Variants in CAMK2B observed in about 807,000 individuals in gnomAD.
The protein encoded by CAMK2B is calcium/calmodulin-dependent protein kinase type II subunit beta.
A neutral mutation model predicts 93.7 loss-of-function variants in CAMK2B; 27 were observed. The observed-to-expected ratio is 0.29, with a 90% CI of 0.21 to 0.40. CAMK2B has a LOEUF of 0.40. CAMK2B is among the 10% of genes least tolerant of loss of function. CAMK2B has a pLI of 1.00. For missense variants in CAMK2B, 568 were observed against 895.8 expected (o/e 0.63, Z 4.67); for synonymous variants, 374 against 358.8 (o/e 1.04, Z -0.48).
intron 1 of CAMK2B, among the ~76,000 whole-genome samples, chr7:44,308,066 T>C (rs918900841): frequency 2.0e-5 from 3 of 152,330 alleles, no homozygotes; most frequent in African/African-American, 7.2e-5. Context: ...TCACCTCATG[T>C]AGCCCAAATG....
At chr7:44,249,381 T>C (rs574306305) in intron 5 of CAMK2B, among the ~76,000 whole-genome samples, 231 of 152,254 alleles carry the variant, frequency 1.5e-3, no homozygotes, top group Middle Eastern at 3.4e-3. Context: ...TGGGTCCAGA[T>C]GCAGAGTGAG....
At chr7:44,228,644 C>A (rs1379261395) in intron 19 of CAMK2B, 152 bp downstream of exon 19, 2 of 630,856 alleles carry the variant, frequency 3.2e-6, no homozygotes, top group Non-Finnish European at 4.8e-6. Flanking sequence ...AGCATGGGAG[C>A]CCACAGGAAG....
intron 16 of CAMK2B, among the ~76,000 whole-genome samples, chr7:44,232,067 G>A (rs1482867777): frequency 6.6e-6 from 1 of 152,212 alleles, no homozygotes; most frequent in African/African-American, 2.4e-5. Flanking sequence ...TGGGAAGAAT[G>A]CCCAGGCCCT....
At chr7:44,288,834 AG>A (rs1210318765) in intron 1 of CAMK2B, among the ~76,000 whole-genome samples, 1 of 151,998 alleles carries the variant, frequency 6.6e-6, no homozygotes, top group Admixed American at 6.6e-5. Flanking sequence ...CCTTCATTGC[AG>A]GGGGGCTCAG....
chr7:44,307,248 A>G (rs1175031579), intron 1 of CAMK2B, among the ~76,000 whole-genome samples: 45 of 51,676 alleles, frequency 8.7e-4, no homozygotes, highest in African/African-American at 2.2e-3. Context: ...GTGTGAGCAG[A>G]GGGAAGAGGG....
At chr7:44,307,571 C>T (rs1444815772) in intron 1 of CAMK2B, among the ~76,000 whole-genome samples, 1 of 151,986 alleles carries the variant, frequency 6.6e-6, no homozygotes, top group Admixed American at 6.5e-5. Context: ...TGGAATTCCT[C>T]CCCTGCCCAC....
intron 2 of CAMK2B, among the ~76,000 whole-genome samples, chr7:44,283,551 T>C (rs972227332): frequency 6.6e-6 from 1 of 152,238 alleles, no homozygotes; most frequent in African/African-American, 2.4e-5. Flanking sequence ...CGGAGTGCCC[T>C]GCCACTATGT....
rs973675298 is a variant in CAMK2B, at chr7:44,271,406, C to T, written c.161-8342G>A. ...CAGCCCTGTGTGGCACTGAGCAGCT[C>T]GGCCAGAACCTGATAGGACATCCTG... On this transcript the variant is annotated intron_variant, in intron 2 of 23. Transcript: ENST00000395749. The surrounding 1 kb of genome is among the most constrained non-coding windows in gnomAD (Gnocchi z 4.2). Among the ~76,000 whole-genome samples, 16 of 152,246 alleles carry T rather than the reference C, an allele frequency of 1.1e-4. No homozygotes were observed. Among genetic ancestry groups the T allele is most frequent in the Admixed American group, 7.8e-4 (12 of 15,288 alleles).
rs533538862 is a variant in CAMK2B at position 44,228,682 on chromosome 7, G to A, written c.1468+114C>T. The A allele has an allele frequency of 7.5e-5, 77 of 1,028,206 alleles. 1 individual carries two copies. The highest frequency in any genetic ancestry group is 6.9e-4 in the Middle Eastern group (2 of 2,918). The allele number at this position is 1,028,206 out of a possible 1,614,324, so 63.7% of individuals were successfully genotyped here. ...CCGCCAGGGCAGGACTCCAGGCTGC[G>A]GCGCCGGGGCAGGGTAGCTGGGCCG... is the stretch of plus-strand genomic sequence containing the variant. On this transcript the variant is annotated intron_variant, in intron 19 of 23. Transcript: ENST00000395749.
At chr7:44,260,817 A>T (rs2096873282) in intron 3 of CAMK2B, among the ~76,000 whole-genome samples, 1 of 152,110 alleles carries the variant, frequency 6.6e-6, no homozygotes, top group South Asian at 2.1e-4. Flanking sequence ...CCTCAGGCCC[A>T]GCAGCCCAGC....
At position 44,286,441 on chromosome 7, in the gene CAMK2B, T is replaced by C. The variant is rs1340499907; in HGVS notation, c.66-2216A>G. ...CTATGCCAAGCTGATGATGCCCGTA[T>C]GGCACCGCTGTGTCGAGCCCGTCCC... On this transcript the variant is annotated intron_variant, in intron 1 of 23. Coordinates refer to ENST00000395749, the MANE Select transcript of CAMK2B (RefSeq NM_001220.5). The surrounding 1 kb of genome is among the most constrained non-coding windows in gnomAD (Gnocchi z 4.0). Among the ~76,000 whole-genome samples the C allele has an allele frequency of 3.3e-5, 5 of 152,144 alleles. No individual in the cohort carries two copies. The highest frequency in any genetic ancestry group is 1.2e-4 in the African/African-American group (5 of 41,434).
chr7:44,300,136 T>C (rs146802439), intron 1 of CAMK2B, among the ~76,000 whole-genome samples: 22 of 152,004 alleles, frequency 1.4e-4, no homozygotes, highest in African/African-American at 5.1e-4. Flanking sequence ...CACTGCAGCC[T>C]CTACATTCCA....
At chr7:44,278,811 T>C (rs1178155365) in intron 2 of CAMK2B, among the ~76,000 whole-genome samples, 1 of 152,252 alleles carries the variant, frequency 6.6e-6, no homozygotes, top group Non-Finnish European at 1.5e-5. Context: ...GGTCATTTTC[T>C]GGAGACCCAG....
intron 4 of CAMK2B, among the ~76,000 whole-genome samples, chr7:44,258,262 C>T (rs111488636): frequency 0.012 from 1,853 of 149,788 alleles, 9 homozygotes; most frequent in South Asian, 0.025. Flanking sequence ...CACACACATG[C>T]AAACGTGCAT....
chr7:44,228,681 C>CG (rs1239525474), intron 19 of CAMK2B, 115 bp downstream of exon 19: 2 of 1,018,784 alleles, frequency 2.0e-6, no homozygotes, highest in African/African-American at 3.3e-5. Flanking sequence ...CTCCAGGCTG[C>CG]GGCGCCGGGG....
At chr7:44,284,605 T>A (rs568695591) in intron 1 of CAMK2B, among the ~76,000 whole-genome samples, 6 of 152,214 alleles carry the variant, frequency 3.9e-5, no homozygotes, top group African/African-American at 1.2e-4. Context: ...CAAGAGTCCA[T>A]GTCCACAGGC....
intron 5 of CAMK2B, among the ~76,000 whole-genome samples, chr7:44,250,117 A>G (rs2096766270): frequency 6.6e-6 from 1 of 152,228 alleles, no homozygotes. Context: ...CCCCAAGACA[A>G]CGCTGGGCCA....
intron 19 of CAMK2B, among the ~76,000 whole-genome samples, chr7:44,228,399 G>A (rs533440539): frequency 7.9e-5 from 12 of 152,234 alleles, no homozygotes; most frequent in Admixed American, 7.2e-4. Flanking sequence ...GCAGCTCCTG[G>A]GCACCATGGG....
At chr7:44,321,954 G>A (rs1411273108) in intron 1 of CAMK2B, among the ~76,000 whole-genome samples, 2 of 152,182 alleles carry the variant, frequency 1.3e-5, no homozygotes, top group Non-Finnish European at 2.9e-5. Context: ...AAGACTCGAG[G>A]ACCCTCCTCG....
Sources: allele counts gnomAD v4.1 joint callset (sites outside exome capture counted in the v4.1 genomes callset), GRCh38; gene constraint gnomAD v4.1.1; non-coding constraint Gnocchi (gnomAD v3.1); transcripts MANE v1.5; gene names NCBI Gene and HGNC (gene_info 2026-07-23, HGNC 2026-07-21).